CREB5: variants seen among roughly 807,000 people sequenced by gnomAD.
CREB5 encodes cAMP responsive element binding protein 5.
CREB5 carries 19 observed loss-of-function variants against 57.1 expected under a neutral mutation model. The observed-to-expected ratio is 0.33, with a 90% CI of 0.23 to 0.49. CREB5 has a LOEUF of 0.49. Among genes scored for constraint, CREB5 ranks in the 20% least tolerant of loss-of-function variants. The pLI is 0.99. For synonymous variants in CREB5, 238 were observed against 238.3 expected (o/e 1.00, Z 0.01); for missense variants, 579 against 671.6 (o/e 0.86, Z 1.52).
At chr7:28,634,491 T>G (rs1396539591) in intron 5 of CREB5, among the ~76,000 whole-genome samples, 1 of 152,176 alleles carries the variant, frequency 6.6e-6, no homozygotes, top group Non-Finnish European at 1.5e-5. Context: ...CATGAAACTG[T>G]TTTCATCCTG....
intron 5 of CREB5, among the ~76,000 whole-genome samples, chr7:28,659,353 A>G (rs1682179823): frequency 6.6e-6 from 1 of 152,182 alleles, no homozygotes; most frequent in South Asian, 2.1e-4. Context: ...GAGCTTTAAA[A>G]GAGGCAACAA....
At chr7:28,615,410 G>A (rs1349081673) in intron 5 of CREB5, 3 of 152,374 alleles carry the variant, frequency 2.0e-5, no homozygotes, top group African/African-American at 7.2e-5. Flanking sequence ...CCAGAGCCAC[G>A]GAGGCCAGTC....
At chr7:28,387,262 T>C (rs1379389664) in intron 1 of CREB5, among the ~76,000 whole-genome samples, 4 of 152,202 alleles carry the variant, frequency 2.6e-5, no homozygotes, top group Admixed American at 6.5e-5. Context: ...TTTTTATTAA[T>C]AGCCATTCTA....
intron 5 of CREB5, chr7:28,686,249 C>T (rs1462724255): frequency 4.9e-6 from 7 of 1,417,264 alleles, no homozygotes; most frequent in Non-Finnish European, 5.9e-6. Context: ...ATTTTTTTTG[C>T]CCCTACTGCC....
chr7:28,557,940 A>T (rs756178733), intron 4 of CREB5, among the ~76,000 whole-genome samples: 5 of 67,340 alleles, frequency 7.4e-5, no homozygotes, highest in African/African-American at 2.2e-4. Context: ...CTATTGCACC[A>T]GGGACCCCTA....
chr7:28,462,719 G>T (rs1790399303), intron 1 of CREB5, among the ~76,000 whole-genome samples: 1 of 152,054 alleles, frequency 6.6e-6, no homozygotes, highest in Non-Finnish European at 1.5e-5. Context: ...TTTCTGTATA[G>T]AAGTATCTAT....
rs141606445 is a variant in CREB5, at chr7:28,376,475, G to A, written c.-25+77034G>A. 8.2e-3 allele frequency among the ~76,000 whole-genome samples: 1,253 copies of A among 152,080 alleles called. 8 individuals carry two copies. Among genetic ancestry groups the A allele is most frequent in the Non-Finnish European group, 0.012 (843 of 67,996 alleles). On this transcript the variant is annotated intron_variant, in intron 1 of 9. Transcript: ENST00000396299. ...AGTAGAGACGAAGTTTCGCCATGTTGGCCAGGCTGGTTTTAAACTCCTGAC... is the reference window on the plus strand; with the variant it reads ...AGTAGAGACGAAGTTTCGCCATGTTAGCCAGGCTGGTTTTAAACTCCTGAC...
intron 1 of CREB5, among the ~76,000 whole-genome samples, chr7:28,420,780 C>G (rs575440344): frequency 7.4e-6 from 1 of 135,492 alleles, no homozygotes; most frequent in African/African-American, 2.9e-5. Flanking sequence ...TGCACTCTAG[C>G]CTGTGCTTTG....
intron 7 of CREB5, among the ~76,000 whole-genome samples, chr7:28,776,728 GAGTAATCT>G (rs1239797829): frequency 1.3e-5 from 2 of 152,140 alleles, no homozygotes; most frequent in African/African-American, 2.4e-5. Flanking sequence ...GTCTGGCAAC[GAGTAATCT>G]ACTTTCTGTC....
intron 1 of CREB5, among the ~76,000 whole-genome samples, chr7:28,342,119 C>A (rs73082480): frequency 0.11 from 16,454 of 152,210 alleles, 1,018 homozygotes; most frequent in Middle Eastern, 0.15. Flanking sequence ...GTGTTGGAAG[C>A]AGAGAATGTC....
At chr7:28,761,396 A>C (rs1805641182) in intron 7 of CREB5, among the ~76,000 whole-genome samples, 1 of 152,116 alleles carries the variant, frequency 6.6e-6, no homozygotes, top group Non-Finnish European at 1.5e-5. Context: ...TTGTTCTGAA[A>C]TTCACAGGTT....
At chr7:28,658,973 A>ATG (rs1286913369) in intron 5 of CREB5, among the ~76,000 whole-genome samples, 11 of 138,922 alleles carry the variant, frequency 7.9e-5, no homozygotes, top group African/African-American at 2.9e-4. Context: ...ATATATATAT[A>ATG]TATATATGTA....
intron 3 of CREB5, among the ~76,000 whole-genome samples, chr7:28,504,433 G>A (rs947866489): frequency 1.3e-5 from 2 of 152,176 alleles, no homozygotes; most frequent in Non-Finnish European, 2.9e-5. Context: ...TGCTCATTGA[G>A]TATTGATAGG....
chr7:28,552,669 C>T (rs1003102351), intron 4 of CREB5, among the ~76,000 whole-genome samples: 1 of 152,128 alleles, frequency 6.6e-6, no homozygotes, highest in Non-Finnish European at 1.5e-5. Flanking sequence ...ATTAGAGTGC[C>T]ATCAGGGTTC....
chr7:28,551,926 TTC>T (rs774566717), intron 4 of CREB5, among the ~76,000 whole-genome samples: 8 of 151,610 alleles, frequency 5.3e-5, no homozygotes, highest in African/African-American at 1.7e-4. Context: ...TCTTTTTTCT[TTC>T]TTTCTTTTTT....
chr7:28,358,162 T>G (rs1786383362), intron 1 of CREB5, among the ~76,000 whole-genome samples: 1 of 152,116 alleles, frequency 6.6e-6, no homozygotes, highest in African/African-American at 2.4e-5. Context: ...ATGGTCAAGG[T>G]CATGTCCTCT....
intron 5 of CREB5, among the ~76,000 whole-genome samples, chr7:28,698,354 C>CAAAAAAA (rs10611948): frequency 8.1e-6 from 1 of 122,738 alleles, no homozygotes; most frequent in Non-Finnish European, 1.8e-5. Context: ...CACTCCCCAC[C>CAAAAAAA]AAAAAAAAAA....
chr7:28,727,171 A>G (rs529713379), intron 7 of CREB5, among the ~76,000 whole-genome samples: 2 of 151,972 alleles, frequency 1.3e-5, no homozygotes, highest in South Asian at 2.1e-4. Context: ...TGTCCAAGCT[A>G]TTTTTATCAT....
chr7:28,762,639 C>G (rs1471167096), intron 7 of CREB5, among the ~76,000 whole-genome samples: 1 of 151,908 alleles, frequency 6.6e-6, no homozygotes, highest in African/African-American at 2.4e-5. Flanking sequence ...CAAAAGAAAA[C>G]AAAACAAAAA....
Sources: gnomAD v4.1 joint callset for allele counts (sites outside exome capture counted in the v4.1 genomes callset) on GRCh38, gnomAD v4.1.1 for gene constraint, MANE v1.5 for transcripts, NCBI Gene and HGNC (gene_info 2026-07-23, HGNC 2026-07-21) for gene names.